Variants in ZBED4 observed in about 807,000 individuals in gnomAD.
ZBED4 encodes the protein zinc finger BED-type containing 4, also known as zinc finger BED domain-containing protein 4.
Under a neutral mutation model 15.5 loss-of-function variants are expected in ZBED4, and 4 were observed. The ratio of observed to expected loss-of-function variants is 0.26; its 90% confidence interval spans 0.13 to 0.59. The LOEUF (loss-of-function observed/expected upper bound fraction) is 0.59, where lower values mean the gene tolerates loss of function less well. ZBED4 is among the 20% of genes least tolerant of loss of function. The probability of loss-of-function intolerance (pLI) is 0.90; values close to 1 mark genes in which losing one functional copy is unlikely to be tolerated. For synonymous variants in ZBED4, 692 were observed against 608.5 expected, an observed-to-expected ratio of 1.14 and a Z score of -2.02; for missense variants, 1,323 against 1,461.8, an observed-to-expected ratio of 0.91 and a Z score of 1.55.
intron 1 of ZBED4, among the ~76,000 whole-genome samples, chr22:49,874,937 C>T (rs2060368514): frequency 6.6e-6 from 1 of 152,072 alleles, no homozygotes; most frequent in Non-Finnish European, 1.5e-5. Context: ...CCCACCTTGG[C>T]CTCCCAAAGT....
At chr22:49,863,377 C>T (rs1478574451) in intron 1 of ZBED4, among the ~76,000 whole-genome samples, 2 of 152,178 alleles carry the variant, frequency 1.3e-5, no homozygotes, top group African/African-American at 4.8e-5. Context: ...GCCTGTAATC[C>T]CAGCACTTTG....
At position 49,884,330 on chromosome 22, in the gene ZBED4, CAG is replaced by C; in HGVS notation, c.671_672del (p.Glu224GlyfsTer9). 1 of 1,613,794 alleles carries C rather than the reference CAG, an allele frequency of 6.2e-7. No individual in the cohort carries two copies. Among genetic ancestry groups the C allele is most frequent in the Non-Finnish European group, 8.5e-7 (1 of 1,179,802 alleles). ...AAGATCCCGTCCCCCGATCGAATAACAGAGGAGTCTGTGTCTGTAGTTTCTTC... is the reference window on the plus strand; with the variant it reads ...AAGATCCCGTCCCCCGATCGAATAACAGGAGTCTGTGTCTGTAGTTTCTTC... On this transcript the variant is annotated frameshift_variant, in exon 2 of 2. Transcript: ENST00000216268. LOFTEE classifies it low-confidence loss of function (END_TRUNC).
rs113228479 is a variant in ZBED4, at chr22:49,869,329, G to A, written c.-329-14005G>A. Among the ~76,000 whole-genome samples the A allele has an allele frequency of 1.3e-3, 204 of 152,234 alleles. 2 individuals are homozygous for A. The highest frequency in any genetic ancestry group is 4.1e-3 in the African/African-American group (172 of 41,540). Reference sequence around the variant, plus strand: ...GAGGCACCCGTAACAGTGAGTGCACGGCTGCCTACCTCGTACCCGCGTGGT... The same window carrying A: ...GAGGCACCCGTAACAGTGAGTGCACAGCTGCCTACCTCGTACCCGCGTGGT... On this transcript the variant is annotated intron_variant, in intron 1 of 1. Coordinates refer to ENST00000216268, the MANE Select transcript of ZBED4 (RefSeq NM_014838.3).
chr22:49,870,346 G>A (rs1431395894), intron 1 of ZBED4, among the ~76,000 whole-genome samples: 1 of 152,188 alleles, frequency 6.6e-6, no homozygotes, highest in Non-Finnish European at 1.5e-5. Context: ...ATACCTGGTA[G>A]TGGCATCACT....
At chr22:49,883,000 G>A (rs1226595033) in intron 1 of ZBED4, among the ~76,000 whole-genome samples, 3 of 152,244 alleles carry the variant, frequency 2.0e-5, no homozygotes, top group Non-Finnish European at 2.9e-5. Context: ...TATAGCAGCT[G>A]TGAGTACCTC....
Position 49,885,730 on chromosome 22 carries a change from C to T in ZBED4, c.2068C>T (p.Pro690Ser). The T allele has an allele frequency of 6.2e-7, 1 of 1,605,504 alleles. No individual in the cohort carries two copies. Among genetic ancestry groups the T allele is most frequent in the Non-Finnish European group, 8.5e-7 (1 of 1,173,758 alleles). The change falls in exon 2 of 2, where the codon CCT becomes TCT. Residue 690 changes from proline (P) to serine (S), a missense_variant. By Grantham distance (74) the Pro-to-Ser change is moderately conservative. Coordinates refer to ENST00000216268, the MANE Select transcript of ZBED4 (RefSeq NM_014838.3). Reference sequence around the variant, plus strand: ...TAACAGGCTGCTTGAATACTTGAAACCTCAGTACTCCCTCCCCGCCCCTTC... The same window carrying T: ...TAACAGGCTGCTTGAATACTTGAAATCTCAGTACTCCCTCCCCGCCCCTTC... ...GFNRLLEYLKPQYSLPAPSYF... is the reference protein window; with the variant it reads ...GFNRLLEYLKSQYSLPAPSYF...
chr22:49,870,147 G>A (rs953502947), intron 1 of ZBED4, among the ~76,000 whole-genome samples: 1 of 152,180 alleles, frequency 6.6e-6, no homozygotes, highest in Non-Finnish European at 1.5e-5. Flanking sequence ...TGCTGCAAGG[G>A]ACATGATTTT....
chr22:49,881,144 A>C (rs1388152655), intron 1 of ZBED4, among the ~76,000 whole-genome samples: 1 of 152,136 alleles, frequency 6.6e-6, no homozygotes, highest in Non-Finnish European at 1.5e-5. Flanking sequence ...TCAGGAGTTC[A>C]AGACCAGCCT....
rs73891138 is a variant in ZBED4, at chr22:49,856,279, G to A, written c.-330+2290G>A. 2.3e-3 allele frequency among the ~76,000 whole-genome samples: 350 copies of A among 152,366 alleles called. 2 individuals are homozygous for A. Among genetic ancestry groups the A allele is most frequent in the African/African-American group, 8.1e-3 (335 of 41,586 alleles). ...TGCTGGGGCCATGGTGGTTTTCAAA[G>A]AAGGCCCTGGCCGTAGGGAACATGG... is the stretch of plus-strand genomic sequence containing the variant. On this transcript the variant is annotated intron_variant, in intron 1 of 1. Coordinates refer to ENST00000216268, the MANE Select transcript of ZBED4 (RefSeq NM_014838.3).
rs1196825996 is a variant in ZBED4 at position 49,885,133 on chromosome 22, G to A, written c.1471G>A (p.Asp491Asn). Residue 491 changes from aspartate (D) to asparagine (N), a missense_variant, in exon 2 of 2, where the codon GAT becomes AAT. Transcript: ENST00000216268. ...TGCCATCAGCCGGGGGAAGAAGGGT[G>A]ATGTGGGCACCAGCTGCCTGATGAG... Reference protein sequence around the residue: ...GCAISRGKKGDVGTSCLMRHL... With the variant: ...GCAISRGKKGNVGTSCLMRHL... 1.9e-6 allele frequency: 3 copies of A among 1,612,994 alleles called. No individual in the cohort carries two copies. The highest frequency in any genetic ancestry group is 2.5e-6 in the Non-Finnish European group (3 of 1,179,816).
chr22:49,868,639 A>G (rs545202334), intron 1 of ZBED4, among the ~76,000 whole-genome samples: 7 of 152,090 alleles, frequency 4.6e-5, no homozygotes, highest in African/African-American at 1.4e-4. Context: ...GTGATTATAA[A>G]CCTCCAAGTA....
intron 1 of ZBED4, among the ~76,000 whole-genome samples, chr22:49,858,809 C>G (rs540999184): frequency 8.5e-5 from 13 of 152,272 alleles, no homozygotes; most frequent in African/African-American, 3.1e-4. Context: ...TTTTCCCAAC[C>G]AGAATCGAGT....
chr22:49,870,872 A>G (rs2060343728), intron 1 of ZBED4, among the ~76,000 whole-genome samples: 1 of 151,934 alleles, frequency 6.6e-6, no homozygotes, highest in Non-Finnish European at 1.5e-5. Context: ...AATCCACTCA[A>G]TTATTTTGAA....
Position 49,885,172 on chromosome 22 carries a change from C to G in ZBED4, c.1510C>G (p.Arg504Gly). The change falls in exon 2 of 2, where the codon CGC becomes GGC. Residue 504 changes from arginine (R) to glycine (G), a missense_variant. Arg to Gly is a moderately radical substitution (Grantham distance 125). Coordinates refer to ENST00000216268, the MANE Select transcript of ZBED4 (RefSeq NM_014838.3). ...CTGCCTGATGAGACATCTCTACCGG[C>G]GCCATCCAGAAGTTGTCGGGAGCCA... ...TSCLMRHLYR[R>G]HPEVVGSQKG... is the part of the protein sequence containing the mutation. 6.2e-7 allele frequency: 1 copy of G among 1,614,078 alleles called. No individual in the cohort carries two copies. The highest frequency in any genetic ancestry group is 2.2e-5 in the East Asian group (1 of 44,882).
rs757293772 is a variant in ZBED4 at position 49,886,579 on chromosome 22, G to A, written c.2917G>A (p.Glu973Lys). 11 of 1,555,426 alleles carry A rather than the reference G, an allele frequency of 7.1e-6. No individual in the cohort carries two copies. The highest frequency in any genetic ancestry group is 3.6e-5 in the South Asian group (3 of 82,248). ...ILNRKVEMLF[E>K]ETMGIDTMLR... ...CAACAGGAAGGTGGAGATGCTCTTC[G>A]AGGAGACGATGGGCATCGACACCAT... Residue 973 changes from glutamate (E) to lysine (K), a missense_variant, in exon 2 of 2, where the codon GAG (glutamate) becomes AAG (lysine). Physicochemically the swap from Glu to Lys is moderately conservative, Grantham distance 56 (BLOSUM62 1). This residue lies in a region of ZBED4 where 312 missense variants were observed against 410.7 expected (regional missense o/e 0.76). Coordinates refer to ENST00000216268, the MANE Select transcript of ZBED4 (RefSeq NM_014838.3). The surrounding 1 kb of genome is among the most constrained non-coding windows in gnomAD (Gnocchi z 7.7).
chr22:49,867,380 C>T (rs369003537), intron 1 of ZBED4, among the ~76,000 whole-genome samples: 3 of 152,144 alleles, frequency 2.0e-5, no homozygotes, highest in African/African-American at 7.2e-5. Context: ...GTGGGAGCGG[C>T]GGTTGGGGAG....
intron 1 of ZBED4, among the ~76,000 whole-genome samples, chr22:49,863,407 T>C (rs931432820): frequency 6.6e-6 from 1 of 152,198 alleles, no homozygotes; most frequent in East Asian, 1.9e-4. Context: ...GGCAGGCGGA[T>C]CACGAGGTCA....
Position 49,886,233 on chromosome 22 carries a change from C to T in ZBED4, c.2571C>T (p.Cys857=), listed in dbSNP as rs563758314. ...TGCTGAGCCTCGCCCGGAAGATCTG[C>T]GAGCGGGTGCACCGGTCGCCCAAGG... ...QNLLSLARKI[C]ERVHRSPKAK... is the part of the protein sequence containing the mutation. The change falls in exon 2 of 2, where the codon TGC becomes TGT. Residue 857 remains cysteine (C), a synonymous_variant. Coordinates refer to ENST00000216268, the MANE Select transcript of ZBED4 (RefSeq NM_014838.3). The surrounding 1 kb of genome is among the most constrained non-coding windows in gnomAD (Gnocchi z 7.7). 16 of 934,804 alleles carry T rather than the reference C, an allele frequency of 1.7e-5. No homozygotes were observed. Among genetic ancestry groups the T allele is most frequent in the Admixed American group, 8.5e-5 (4 of 46,880 alleles). 57.9% of individuals were successfully genotyped at this position (934,804 alleles called of 1,614,324 possible).
intron 1 of ZBED4, among the ~76,000 whole-genome samples, chr22:49,866,535 C>T (rs951005194): frequency 6.6e-6 from 1 of 152,100 alleles, no homozygotes; most frequent in Non-Finnish European, 1.5e-5. Context: ...GACCTATAAT[C>T]TCACATCAGA....
Sources: allele counts gnomAD v4.1 joint callset (sites outside exome capture counted in the v4.1 genomes callset), GRCh38; gene constraint gnomAD v4.1.1; regional missense constraint gnomAD v4.1.1; non-coding constraint Gnocchi (gnomAD v3.1); transcripts MANE v1.5; gene names NCBI Gene and HGNC (gene_info 2026-07-23, HGNC 2026-07-21).